TBX15: variants seen among roughly 807,000 people sequenced by gnomAD.
TBX15 encodes T-box transcription factor TBX15.
Under a neutral mutation model 53.9 loss-of-function variants are expected in TBX15, and 18 were observed. The ratio of observed to expected loss-of-function variants is 0.33; its 90% CI spans 0.23 to 0.49. TBX15 has a LOEUF of 0.49. Ranked by LOEUF, TBX15 falls within the 20% of genes least tolerant of loss-of-function variation. The probability of loss-of-function intolerance (pLI) is 0.98; values close to 1 mark genes in which losing one functional copy is unlikely to be tolerated. For missense variants in TBX15, 692 were observed against 749.5 expected (o/e 0.92, Z 0.90); for synonymous variants, 295 against 278.0 (o/e 1.06, Z -0.61).
intron 1 of TBX15, among the ~76,000 whole-genome samples, chr1:118,951,900 A>C (rs964181707): frequency 2.6e-5 from 4 of 152,218 alleles, no homozygotes; most frequent in Non-Finnish European, 5.9e-5. Flanking sequence ...CAAAATCTGA[A>C]TGTGACTCTC....
At chr1:118,902,850 C>T (rs1408323202) in intron 6 of TBX15, among the ~76,000 whole-genome samples, 1 of 152,100 alleles carries the variant, frequency 6.6e-6, no homozygotes, top group African/African-American at 2.4e-5. Flanking sequence ...CTGTGCTACA[C>T]ATTGTTTACT....
chr1:118,896,141 C>G (rs1481586984), intron 7 of TBX15, among the ~76,000 whole-genome samples: 3 of 151,972 alleles, frequency 2.0e-5, no homozygotes, highest in Non-Finnish European at 2.9e-5. Flanking sequence ...CATGTGTGGC[C>G]CAAGACGATT....
intron 1 of TBX15, among the ~76,000 whole-genome samples, chr1:118,987,327 C>T (rs1405513241): frequency 6.6e-6 from 1 of 152,248 alleles, no homozygotes; most frequent in Non-Finnish European, 1.5e-5. Flanking sequence ...GAAAGCTGCG[C>T]TCTCCACCCA....
intron 6 of TBX15, among the ~76,000 whole-genome samples, chr1:118,902,138 G>T (rs1654651917): frequency 6.6e-6 from 1 of 151,682 alleles, no homozygotes. Context: ...GAATAATATT[G>T]GTCTCATAGA....
chr1:118,957,482 T>A (rs1190591830), intron 1 of TBX15, among the ~76,000 whole-genome samples: 1 of 152,358 alleles, frequency 6.6e-6, no homozygotes, highest in African/African-American at 2.4e-5. Flanking sequence ...TTTATTTTTT[T>A]AATTATACTT....
At chr1:118,914,352 A>C (rs901071756) in intron 5 of TBX15, among the ~76,000 whole-genome samples, 173 bp from the exon 6 acceptor site, 1 of 152,160 alleles carries the variant, frequency 6.6e-6, no homozygotes, top group African/African-American at 2.4e-5. Context: ...TGGCACACAG[A>C]TGTCTGACCC....
intron 1 of TBX15, among the ~76,000 whole-genome samples, chr1:118,937,816 C>G (rs777821245): frequency 6.6e-6 from 1 of 152,192 alleles, no homozygotes; most frequent in Non-Finnish European, 1.5e-5. Context: ...AGTGGTAGGA[C>G]AGCCACTTCT....
Position 118,884,545 on chromosome 1 carries a change from C to T in TBX15, c.*187G>A, listed in dbSNP as rs1653851108. On this transcript the variant is annotated 3_prime_UTR_variant, in exon 8 of 8. Transcript: ENST00000369429. ...GCCACTGAGTTGCGGATGATTCTAT[C>T]GCAAGTATCCTTCACTGGCTTAAAG... The T allele has an allele frequency of 2.9e-6, 2 of 698,868 alleles. No individual in the cohort carries two copies. The allele number at this position is 698,868 out of a possible 1,614,324, so 43.3% of individuals were successfully genotyped here.
At chr1:118,921,880 G>A (rs576861756) in intron 5 of TBX15, among the ~76,000 whole-genome samples, 1 of 152,248 alleles carries the variant, frequency 6.6e-6, no homozygotes, top group Non-Finnish European at 1.5e-5. Flanking sequence ...ATTCTAGAAT[G>A]TTATGAAGAA....
At chr1:118,961,518 T>C (rs925735347) in intron 1 of TBX15, among the ~76,000 whole-genome samples, 3 of 152,172 alleles carry the variant, frequency 2.0e-5, no homozygotes, top group Non-Finnish European at 4.4e-5. Flanking sequence ...ATTTACTATG[T>C]AAAATTCAGG....
At chr1:118,956,121 A>G (rs1656681865) in intron 1 of TBX15, among the ~76,000 whole-genome samples, 1 of 151,996 alleles carries the variant, frequency 6.6e-6, no homozygotes, top group Admixed American at 6.6e-5. Context: ...CAGACACCAA[A>G]CCCCAAATCT....
At chr1:118,918,564 T>C (rs1346801339) in intron 5 of TBX15, among the ~76,000 whole-genome samples, 3 of 152,206 alleles carry the variant, frequency 2.0e-5, no homozygotes, top group Non-Finnish European at 4.4e-5. Context: ...GTCCAAACTT[T>C]GTCCAGTGAT....
rs1553218102 is a variant in TBX15 at position 118,893,313 on chromosome 1, GGAAA to G, written c.1024+5711_1024+5714del. On this transcript the variant is annotated intron_variant, in intron 7 of 7. Transcript: ENST00000369429. ...AGGAAGGAAGGAAGGAAGGAAGGAA[GGAAA>G]GAAAGAAAGAAGAAAGAAGGAAGGA... Among the ~76,000 whole-genome samples, 72 of 90,134 alleles carry G rather than the reference GGAAA, an allele frequency of 8.0e-4. 1 individual carries two copies. Among genetic ancestry groups the G allele is most frequent in the African/African-American group, 3.2e-3 (58 of 17,930 alleles). The allele number at this position is 90,134 out of a possible 152,430, so 59.1% of individuals were successfully genotyped here. A position where few individuals can be genotyped will look rare whatever the true frequency, so the allele number is the denominator to read the frequency against.
Position 118,931,814 on chromosome 1 carries a change from C to G in TBX15, c.224G>C (p.Gly75Ala). ...EPHPDSEQST[G>A]SDSEVLTERT... ...CTCAGTGAGGACCTCAGAATCTGAA[C>G]CAGTGCTCTGCTCAGAATCTGCAAA... Residue 75 changes from glycine (G) to alanine (A), a missense_variant, in exon 2 of 8, where the codon GGT (glycine) becomes GCT (alanine). Coordinates refer to ENST00000369429, the MANE Select transcript of TBX15 (RefSeq NM_001330677.2). 2 of 1,583,334 alleles carry G rather than the reference C, an allele frequency of 1.3e-6. No individual in the cohort carries two copies. Among genetic ancestry groups the G allele is most frequent in the Non-Finnish European group, 1.7e-6 (2 of 1,162,382 alleles).
intron 1 of TBX15, among the ~76,000 whole-genome samples, chr1:118,933,480 A>G (rs972293573): frequency 2.1e-5 from 3 of 145,092 alleles, no homozygotes; most frequent in Admixed American, 2.0e-4. Flanking sequence ...AAAAAACTAT[A>G]AAGTTTTATA....
intron 1 of TBX15, among the ~76,000 whole-genome samples, chr1:118,943,716 CCTG>C (rs1656258318): frequency 2.0e-5 from 3 of 152,066 alleles, no homozygotes; most frequent in Admixed American, 1.3e-4. Flanking sequence ...TGCAGGAAGC[CCTG>C]ACTCCAGATG....
chr1:118,966,402 C>CA (rs1283107935), intron 1 of TBX15, among the ~76,000 whole-genome samples: 2 of 151,886 alleles, frequency 1.3e-5, no homozygotes, highest in South Asian at 2.1e-4. Flanking sequence ...ACTGGCTCCT[C>CA]AAAAAAAAGT....
rs1229541375 is a variant in TBX15, at chr1:118,884,364, C to T, written c.*368G>A. ...TGTGTGCACGTATGTATAGGTAGGT[C>T]TGTCTGTATGTGGGTGTGTATGTGT... is the stretch of plus-strand genomic sequence containing the variant. On this transcript the variant is annotated 3_prime_UTR_variant, in exon 8 of 8. Coordinates refer to ENST00000369429, the MANE Select transcript of TBX15 (RefSeq NM_001330677.2). 10 of 313,432 alleles carry T rather than the reference C, an allele frequency of 3.2e-5. No homozygotes were observed. Among genetic ancestry groups the T allele is most frequent in the African/African-American group, 2.2e-4 (10 of 46,468 alleles). The allele number at this position is 313,432 out of a possible 1,614,324, so 19.4% of individuals were successfully genotyped here.
chr1:118,929,781 C>T lies in TBX15; in HGVS notation c.419+1838G>A, dbSNP rs114158525. Among the ~76,000 whole-genome samples the T allele has an allele frequency of 9.1e-3, 1,391 of 152,058 alleles. 23 individuals carry two copies. The highest frequency in any genetic ancestry group is 0.032 in the African/African-American group (1,311 of 41,484). The stretch of plus-strand genomic sequence containing the variant: ...GGGAATAACGAAGTGATATCAGGAA[C>T]AAACATGACTGGAATACAGAGACCC... On this transcript the variant is annotated intron_variant, in intron 2 of 7. Coordinates refer to ENST00000369429, the MANE Select transcript of TBX15 (RefSeq NM_001330677.2).
Sources: allele counts gnomAD v4.1 joint callset (sites outside exome capture counted in the v4.1 genomes callset), GRCh38; gene constraint gnomAD v4.1.1; transcripts MANE v1.5; gene names NCBI Gene and HGNC (gene_info 2026-07-23, HGNC 2026-07-21).